Variants in LRBA observed in about 807,000 individuals in gnomAD.
The protein encoded by LRBA is lipopolysaccharide-responsive and beige-like anchor protein.
In LRBA, 176 loss-of-function variants were observed where a neutral mutation model predicts 330.0. The observed-to-expected ratio is 0.53, with a 90% CI of 0.47 to 0.60. The LOEUF (loss-of-function observed/expected upper bound fraction) is 0.60. LRBA is among the 20% of genes least tolerant of loss of function. LRBA has a pLI of 0.00. For missense variants in LRBA, 3,259 were observed against 3,444.8 expected, an observed-to-expected ratio of 0.95 and a Z score of 1.35; for synonymous variants, 1,230 against 1,193.0, an observed-to-expected ratio of 1.03 and a Z score of -0.64.
intron 46 of LRBA, among the ~76,000 whole-genome samples, chr4:150,423,805 T>G (rs1370391373): frequency 6.6e-6 from 1 of 152,150 alleles, no homozygotes; most frequent in African/African-American, 2.4e-5. Flanking sequence ...TAGAGAGAAC[T>G]GTTTTAGGGT....
At chr4:150,431,641 T>C (rs1750391282) in intron 46 of LRBA, among the ~76,000 whole-genome samples, 1 of 152,186 alleles carries the variant, frequency 6.6e-6, no homozygotes, top group Non-Finnish European at 1.5e-5. Context: ...TTAAGATAAA[T>C]TATTAAAATT....
chr4:150,742,113 T>C (rs1732063350), intron 35 of LRBA, among the ~76,000 whole-genome samples: 1 of 149,566 alleles, frequency 6.7e-6, no homozygotes, highest in Non-Finnish European at 1.5e-5. Flanking sequence ...CGGGCAGGGA[T>C]AGAATTATTA....
At chr4:150,702,258 G>A (rs1312821429) in intron 36 of LRBA, among the ~76,000 whole-genome samples, 1 of 152,066 alleles carries the variant, frequency 6.6e-6, no homozygotes, top group African/African-American at 2.4e-5. Flanking sequence ...ATGAGATAAT[G>A]GACAAAGGTG....
intron 34 of LRBA, among the ~76,000 whole-genome samples, chr4:150,795,234 C>T (rs1234458681): frequency 6.6e-6 from 1 of 152,010 alleles, no homozygotes; most frequent in East Asian, 1.9e-4. Flanking sequence ...TTATATAATG[C>T]TGGAGTAATA....
At chr4:150,932,943 T>G (rs1269029919) in intron 2 of LRBA, among the ~76,000 whole-genome samples, 1 of 151,802 alleles carries the variant, frequency 6.6e-6, no homozygotes, top group African/African-American at 2.4e-5. Context: ...AACAAAAAAA[T>G]AGCAATTTGG....
In LRBA at chr4:150,788,704, T is replaced by G. The variant is rs185310374; in HGVS notation, c.5580+9377A>C. Among the ~76,000 whole-genome samples the G allele has an allele frequency of 7.6e-3, 1,136 of 149,170 alleles. 11 individuals carry two copies. Among genetic ancestry groups the G allele is most frequent in the African/African-American group, 0.027 (1,082 of 40,328 alleles). On this transcript the variant is annotated intron_variant, in intron 34 of 56. Coordinates refer to ENST00000651943, the MANE Select transcript of LRBA (RefSeq NM_001364905.1). ...TGAACCTGGGAGGCAGAGGTTGCAGTGAGCAGAGATCATGCCATTGCACTC... is the reference window on the plus strand; with the variant it reads ...TGAACCTGGGAGGCAGAGGTTGCAGGGAGCAGAGATCATGCCATTGCACTC...
chr4:150,304,817 A>G (rs947972721), intron 52 of LRBA, among the ~76,000 whole-genome samples: 5 of 152,186 alleles, frequency 3.3e-5, no homozygotes, highest in African/African-American at 1.2e-4. Context: ...AGGATAAGAC[A>G]AAAGTTAGGT....
At chr4:150,656,305 G>A (rs971009110) in intron 37 of LRBA, among the ~76,000 whole-genome samples, 18 of 152,210 alleles carry the variant, frequency 1.2e-4, no homozygotes, top group African/African-American at 4.1e-4. Flanking sequence ...GCAAAATGAT[G>A]AACTGAATGT....
chr4:150,265,825 C>A lies in LRBA; in HGVS notation c.8469-13G>T. On this transcript the variant is annotated splice_polypyrimidine_tract_variant and intron_variant, in intron 56 of 56. Coordinates refer to ENST00000651943, the MANE Select transcript of LRBA (RefSeq NM_001364905.1). ...AGAAATGATGCACCTAGGAGAAGCA[C>A]AGAGAGAAGGACTTTTACAAACCTG... 2 of 1,556,122 alleles carry A rather than the reference C, an allele frequency of 1.3e-6. No individual in the cohort carries two copies. The highest frequency in any genetic ancestry group is 1.8e-6 in the Non-Finnish European group (2 of 1,127,312).
At chr4:150,869,699 A>C (rs967974193) in intron 20 of LRBA, among the ~76,000 whole-genome samples, 1 of 152,072 alleles carries the variant, frequency 6.6e-6, no homozygotes, top group Admixed American at 6.6e-5. Flanking sequence ...TAAATAAATA[A>C]ATAATCTCCA....
chr4:150,414,652 G>A (rs182782235), intron 47 of LRBA, among the ~76,000 whole-genome samples: 85 of 152,030 alleles, frequency 5.6e-4, no homozygotes, highest in Admixed American at 3.3e-3. Flanking sequence ...CACCACATCC[G>A]GCTAATTTTT....
intron 37 of LRBA, among the ~76,000 whole-genome samples, chr4:150,652,061 C>G (rs1044170448): frequency 6.6e-6 from 1 of 152,090 alleles, no homozygotes; most frequent in Non-Finnish European, 1.5e-5. Context: ...CCAAGCTGGT[C>G]GCAAACTCAA....
chr4:150,971,630 C>A (rs978379330), intron 2 of LRBA, among the ~76,000 whole-genome samples: 36 of 152,168 alleles, frequency 2.4e-4, no homozygotes, highest in Admixed American at 1.6e-3. Flanking sequence ...GCTTTCAGTA[C>A]AGAGTACTTA....
At position 150,583,036 on chromosome 4, in the gene LRBA, G is replaced by C; in HGVS notation, c.6330+5012C>G. 3 of 1,590,740 alleles carry C rather than the reference G, an allele frequency of 1.9e-6. No homozygotes were observed. The highest frequency in any genetic ancestry group is 2.6e-6 in the Non-Finnish European group (3 of 1,166,736). ...CCCGGACCTGTGCCCCAACATGATCGCCGCTCAGGCCAAGCTGGTTTACCA... is the reference window on the plus strand; with the variant it reads ...CCCGGACCTGTGCCCCAACATGATCCCCGCTCAGGCCAAGCTGGTTTACCA... On this transcript the variant is annotated intron_variant, in intron 40 of 56. Transcript: ENST00000651943. The surrounding 1 kb of genome is among the most constrained non-coding windows in gnomAD (Gnocchi z 9.8).
chr4:150,497,705 G>A (rs974571004), intron 40 of LRBA, among the ~76,000 whole-genome samples: 3 of 152,142 alleles, frequency 2.0e-5, no homozygotes, highest in Non-Finnish European at 4.4e-5. Flanking sequence ...AATGCTATGT[G>A]ACCTTTGTAT....
intron 40 of LRBA, among the ~76,000 whole-genome samples, chr4:150,515,880 A>C (rs1430399872): frequency 6.6e-6 from 1 of 152,074 alleles, no homozygotes; most frequent in African/African-American, 2.4e-5. Flanking sequence ...CATGGGACAA[A>C]AAATATAAAA....
chr4:150,764,890 C>T lies in LRBA; in HGVS notation c.5581-3043G>A, dbSNP rs377223096. Among the ~76,000 whole-genome samples, 71 of 152,130 alleles carry T rather than the reference C, an allele frequency of 4.7e-4. 2 individuals carry two copies. The Middle Eastern group carries it at 0.01, about 22-fold the overall frequency. Reference sequence around the variant, plus strand: ...CCTAACAAAACTAAGCCTACTCTTACCACAAGATCCAGCAATTTCACTTTT... The same window carrying T: ...CCTAACAAAACTAAGCCTACTCTTATCACAAGATCCAGCAATTTCACTTTT... On this transcript the variant is annotated intron_variant, in intron 34 of 56. Transcript: ENST00000651943.
intron 9 of LRBA, among the ~76,000 whole-genome samples, chr4:150,911,876 T>C (rs1019541336): frequency 1.3e-5 from 2 of 152,174 alleles, no homozygotes; most frequent in South Asian, 2.1e-4. Context: ...TTACTAGCTA[T>C]AGGTCTTTTC....
chr4:150,963,475 G>A lies in LRBA; in HGVS notation c.217-34410C>T, dbSNP rs561119884. Among the ~76,000 whole-genome samples, 75 of 149,674 alleles carry A rather than the reference G, an allele frequency of 5.0e-4. 13 individuals are homozygous for A. The highest frequency in any genetic ancestry group is 1.8e-3 in the African/African-American group (71 of 39,034). Reference sequence around the variant, plus strand: ...GTGCCGGGATTGCAGACAGAGTCTCGTTCACTCAGTGCTCAATGGTGCCCA... The same window carrying A: ...GTGCCGGGATTGCAGACAGAGTCTCATTCACTCAGTGCTCAATGGTGCCCA... On this transcript the variant is annotated intron_variant, in intron 2 of 56. Transcript: ENST00000651943.
Sources: gnomAD v4.1 joint callset for allele counts (sites outside exome capture counted in the v4.1 genomes callset) on GRCh38, gnomAD v4.1.1 for gene constraint, Gnocchi (gnomAD v3.1) non-coding constraint, MANE v1.5 for transcripts, NCBI Gene and HGNC (gene_info 2026-07-23, HGNC 2026-07-21) for gene names.